Variants in SLC24A3 observed in about 807,000 individuals in gnomAD.
SLC24A3 encodes the protein sodium/potassium/calcium exchanger 3.
In SLC24A3, 28 loss-of-function variants were observed where a neutral mutation model predicts 75.8. That is an observed-to-expected ratio of 0.37 (90% CI 0.27 to 0.51). The LOEUF is 0.51. Among genes scored for constraint, SLC24A3 ranks in the 20% least tolerant of loss-of-function variants. The pLI, the probability that SLC24A3 is intolerant of heterozygous loss-of-function variation, is 0.94. For missense variants in SLC24A3, 663 were observed against 847.8 expected (o/e 0.78, Z 2.71); for synonymous variants, 372 against 334.1 (o/e 1.11, Z -1.24).
chr20:19,393,115 A>C (rs967028821), intron 2 of SLC24A3, among the ~76,000 whole-genome samples: 1 of 152,236 alleles, frequency 6.6e-6, no homozygotes, highest in Non-Finnish European at 1.5e-5. Context: ...CTGATTATTA[A>C]AAATATGCAT....
intron 6 of SLC24A3, among the ~76,000 whole-genome samples, chr20:19,612,568 G>A (rs1178017724): frequency 2.7e-5 from 4 of 150,028 alleles, no homozygotes; most frequent in Non-Finnish European, 5.9e-5. Context: ...TCAATGAAAA[G>A]TAAAAGGAAA....
chr20:19,428,831 A>G (rs1987055371), intron 2 of SLC24A3, among the ~76,000 whole-genome samples: 1 of 152,180 alleles, frequency 6.6e-6, no homozygotes, highest in African/African-American at 2.4e-5. Context: ...GTGGGTGTGA[A>G]GAGGCTTTAT....
intron 1 of SLC24A3, among the ~76,000 whole-genome samples, chr20:19,270,652 C>G (rs931606437): frequency 2.0e-5 from 3 of 152,170 alleles, no homozygotes; most frequent in African/African-American, 7.2e-5. Flanking sequence ...GTCTTATTAC[C>G]TAATTACCTC....
intron 2 of SLC24A3, among the ~76,000 whole-genome samples, chr20:19,346,162 ATATATATGGTATATATATATGGTG>A: frequency 1.1e-5 from 1 of 88,288 alleles, no homozygotes; most frequent in East Asian, 2.9e-4. Context: ...TATATGGTGT[ATATATATGGTATATATATATGGTG>A]TATATATATA....
At chr20:19,523,888 G>T (rs1468403638) in intron 3 of SLC24A3, among the ~76,000 whole-genome samples, 3 of 152,064 alleles carry the variant, frequency 2.0e-5, no homozygotes, top group Non-Finnish European at 2.9e-5. Flanking sequence ...CAACTTTAAA[G>T]TTCCAGCCCC....
chr20:19,530,512 A>G (rs1278471323), intron 3 of SLC24A3, among the ~76,000 whole-genome samples: 1 of 152,232 alleles, frequency 6.6e-6, no homozygotes, highest in Non-Finnish European at 1.5e-5. Flanking sequence ...GCCACCACTG[A>G]CCAGCTCTAC....
At chr20:19,238,741 G>A (rs1046178849) in intron 1 of SLC24A3, among the ~76,000 whole-genome samples, 2 of 152,118 alleles carry the variant, frequency 1.3e-5, no homozygotes, top group Non-Finnish European at 2.9e-5. Context: ...CCCTGGTCTG[G>A]TGTTGGGTCT....
At chr20:19,378,932 G>C in intron 2 of SLC24A3, among the ~76,000 whole-genome samples, 1 of 151,930 alleles carries the variant, frequency 6.6e-6, no homozygotes, top group East Asian at 1.9e-4. Context: ...GGATGCAGTG[G>C]GGGTAATTAT....
chr20:19,529,357 A>G (rs1468188983), intron 3 of SLC24A3, among the ~76,000 whole-genome samples: 1 of 152,194 alleles, frequency 6.6e-6, no homozygotes, highest in African/African-American at 2.4e-5. Context: ...TAGCTTTGCC[A>G]TGTCAATACT....
rs1443576936 is a variant in SLC24A3, at chr20:19,304,609, G to A, written c.271+23522G>A. Among the ~76,000 whole-genome samples the A allele has an allele frequency of 5.3e-5, 8 of 152,118 alleles. No homozygotes were observed. In the South Asian group the frequency reaches 6.2e-4, roughly 12 times the overall value. Reference sequence around the variant, plus strand: ...TTGCACCCCTCGCTGTGCCTGTGGCGTCATTCATGCCCAGTAATTGTTAGC... The same window carrying A: ...TTGCACCCCTCGCTGTGCCTGTGGCATCATTCATGCCCAGTAATTGTTAGC... On this transcript the variant is annotated intron_variant, in intron 2 of 16. Transcript: ENST00000328041.
chr20:19,423,692 A>G (rs1452321071), intron 2 of SLC24A3, among the ~76,000 whole-genome samples: 1 of 152,164 alleles, frequency 6.6e-6, no homozygotes, highest in Non-Finnish European at 1.5e-5. Flanking sequence ...ATATTTAGAG[A>G]GGGCTGCATG....
chr20:19,395,686 A>G (rs1404357836), intron 2 of SLC24A3, among the ~76,000 whole-genome samples: 1 of 152,254 alleles, frequency 6.6e-6, no homozygotes, highest in Non-Finnish European at 1.5e-5. Flanking sequence ...GATGACCTGC[A>G]AAGAAGGAGG....
intron 1 of SLC24A3, among the ~76,000 whole-genome samples, chr20:19,232,022 A>ATT (rs1982035498): frequency 6.6e-6 from 1 of 152,218 alleles, no homozygotes; most frequent in Admixed American, 6.5e-5. Flanking sequence ...AGGCTAAAGT[A>ATT]TTTATTGGAT....
chr20:19,659,714 C>T (rs778444009), intron 7 of SLC24A3, among the ~76,000 whole-genome samples: 1 of 152,134 alleles, frequency 6.6e-6, no homozygotes, highest in Non-Finnish European at 1.5e-5. Flanking sequence ...TTTGCCAGAG[C>T]AGGTGTCTGA....
Position 19,452,622 on chromosome 20 carries a change from C to T in SLC24A3, c.272-62866C>T, listed in dbSNP as rs577878031. On this transcript the variant is annotated intron_variant, in intron 2 of 16. Transcript: ENST00000328041. The stretch of plus-strand genomic sequence containing the variant: ...GTTCCACCCTTCATAGAGCATCATA[C>T]AGGGGTCCTGGGTGAATCATTCTAG... Among the ~76,000 whole-genome samples, 5 of 152,144 alleles carry T rather than the reference C, an allele frequency of 3.3e-5. No homozygotes were observed. In the South Asian group the frequency reaches 1.0e-3, roughly 32 times the overall value.
Position 19,212,804 on chromosome 20 carries a change from G to T in SLC24A3, c.-39G>T. On this transcript the variant is annotated 5_prime_UTR_variant, in exon 1 of 17. Coordinates refer to ENST00000328041, the MANE Select transcript of SLC24A3 (RefSeq NM_020689.4). ...CGCCGCGGCCGCCCGCGACAGGAGC[G>T]GCCGCCGCCCGCCGAGGCCGCCGCC... The T allele has an allele frequency of 1.0e-6, 1 of 979,140 alleles. No homozygotes were observed. The highest frequency in any genetic ancestry group is 4.6e-5 in the South Asian group (1 of 21,918). The allele number at this position is 979,140 out of a possible 1,614,324, so 60.7% of individuals were successfully genotyped here.
In SLC24A3 at chr20:19,546,083, C is replaced by T. The variant is rs1029279114; in HGVS notation, c.348+30519C>T. Among the ~76,000 whole-genome samples the T allele has an allele frequency of 3.6e-5, 5 of 140,280 alleles. No individual in the cohort carries two copies. In the East Asian group the frequency reaches 8.9e-4, roughly 25 times the overall value. The allele number at this position is 140,280 out of a possible 152,430, so 92.0% of individuals were successfully genotyped here. On this transcript the variant is annotated intron_variant, in intron 3 of 16. Coordinates refer to ENST00000328041, the MANE Select transcript of SLC24A3 (RefSeq NM_020689.4). Reference sequence around the variant, plus strand: ...CAGAAGTAGGAAAATGGCGTGAACCCGGGAGGCAGAGCTTGCAGTGAGCCG... The same window carrying T: ...CAGAAGTAGGAAAATGGCGTGAACCTGGGAGGCAGAGCTTGCAGTGAGCCG...
chr20:19,577,653 A>T (rs1250777030), intron 3 of SLC24A3, among the ~76,000 whole-genome samples: 1 of 152,248 alleles, frequency 6.6e-6, no homozygotes, highest in Non-Finnish European at 1.5e-5. Context: ...ATGGCCTTAC[A>T]AACTCTTATA....
chr20:19,390,187 A>C (rs1240266688), intron 2 of SLC24A3, among the ~76,000 whole-genome samples: 1 of 151,978 alleles, frequency 6.6e-6, no homozygotes, highest in African/African-American at 2.4e-5. Flanking sequence ...ATTATTTTGA[A>C]TTCTTTGGCC....
Sources: gnomAD v4.1 joint callset for allele counts (sites outside exome capture counted in the v4.1 genomes callset) on GRCh38, gnomAD v4.1.1 for gene constraint, MANE v1.5 for transcripts, NCBI Gene and HGNC (gene_info 2026-07-23, HGNC 2026-07-21) for gene names.